MED20: variants seen among roughly 807,000 people sequenced by gnomAD.
The protein encoded by MED20 is mediator of RNA polymerase II transcription subunit 20.
MED20 carries 19 observed loss-of-function variants against 19.7 expected under a neutral mutation model. The observed-to-expected ratio is 0.96, with a 90% confidence interval of 0.67 to 1.42. The LOEUF (loss-of-function observed/expected upper bound fraction) is 1.42. Among genes scored for constraint, MED20 ranks in the 40% most tolerant of loss-of-function variants. MED20 has a pLI of 0.00. For missense variants in MED20, 225 were observed against 273.0 expected (o/e 0.82, Z 1.24); for synonymous variants, 105 against 104.8 (o/e 1.00, Z -0.01).
At position 41,907,015 on chromosome 6, in the gene MED20, C is replaced by T; in HGVS notation, c.*57G>A. On this transcript the variant is annotated 3_prime_UTR_variant, in exon 4 of 4. Transcript: ENST00000265350. ...GGGTCCAGGGACCTGAAAGTCAGCA[C>T]CTGCTCCTCCTGTGGAGTACCCCTG... 6.5e-7 allele frequency: 1 copy of T among 1,539,892 alleles called. No individual in the cohort carries two copies. Among genetic ancestry groups the T allele is most frequent in the East Asian group, 2.3e-5 (1 of 44,282 alleles).
At position 41,906,387 on chromosome 6, in the gene MED20, A is replaced by ATC. The variant is rs954578419; in HGVS notation, c.*683_*684dup. The ATC allele has an allele frequency of 3.6e-4, 55 of 152,370 alleles. No homozygotes were observed. Among genetic ancestry groups the ATC allele is most frequent in the African/African-American group, 1.3e-3 (55 of 41,540 alleles). The allele number at this position is 152,370 out of a possible 1,614,324, so 9.4% of individuals were successfully genotyped here. ...TGTAGAGTTAAATCTGCCCTAGACCATCTGATTACCTCTCTATTATTAGGT... is the reference window on the plus strand; with the variant it reads ...TGTAGAGTTAAATCTGCCCTAGACCATCTCTGATTACCTCTCTATTATTAGGT... On this transcript the variant is annotated 3_prime_UTR_variant, in exon 4 of 4. Coordinates refer to ENST00000265350, the MANE Select transcript of MED20 (RefSeq NM_004275.5).
At chr6:41,907,692 CAT>C (rs1775091370) in intron 3 of MED20, among the ~76,000 whole-genome samples, 1 of 152,082 alleles carries the variant, frequency 6.6e-6, no homozygotes, top group African/African-American at 2.4e-5. Flanking sequence ...AGAGTGGACA[CAT>C]ATGCTCATGA....
At chr6:41,907,763 A>G (rs1439259200) in intron 3 of MED20, among the ~76,000 whole-genome samples, 1 of 152,202 alleles carries the variant, frequency 6.6e-6, no homozygotes, top group Non-Finnish European at 1.5e-5. Context: ...TCTGACCCTA[A>G]GAAAGAATTT....
intron 2 of MED20, among the ~76,000 whole-genome samples, chr6:41,911,772 G>T (rs1460608990): frequency 6.6e-6 from 1 of 151,992 alleles, no homozygotes; most frequent in African/African-American, 2.4e-5. Flanking sequence ...GATCCTCCAG[G>T]CCACATCCCT....
intron 3 of MED20, among the ~76,000 whole-genome samples, chr6:41,908,270 A>G (rs1775106157): frequency 6.6e-6 from 1 of 152,140 alleles, no homozygotes; most frequent in East Asian, 1.9e-4. Context: ...TAAATAAATC[A>G]CAAATTTTCA....
At chr6:41,911,207 A>G (rs1407956032) in intron 2 of MED20, among the ~76,000 whole-genome samples, 1 of 150,436 alleles carries the variant, frequency 6.6e-6, no homozygotes, top group Non-Finnish European at 1.5e-5. Context: ...CTGTAGTGCA[A>G]TGGTGCAATC....
chr6:41,907,578 C>T (rs568106896), intron 3 of MED20, among the ~76,000 whole-genome samples: 1 of 152,184 alleles, frequency 6.6e-6, no homozygotes, highest in African/African-American at 2.4e-5. Context: ...CTGTGTTGTC[C>T]CTGCTATGCT....
At chr6:41,919,037 G>A (rs1408990256) in intron 1 of MED20, among the ~76,000 whole-genome samples, 1 of 149,746 alleles carries the variant, frequency 6.7e-6, no homozygotes, top group Non-Finnish European at 1.5e-5. Context: ...GCTGAGGCAG[G>A]AGAATGGCAT....
Position 41,906,976 on chromosome 6 carries a change from ACC to A in MED20, c.*94_*95del. ...GAGAAGGAGAGTAGAGTCCATGTCT[ACC>A]CTGGGTTTCTGGGGTCCAGGGACCT... On this transcript the variant is annotated 3_prime_UTR_variant, in exon 4 of 4. Transcript: ENST00000265350. The A allele has an allele frequency of 9.1e-7, 1 of 1,100,532 alleles. No homozygotes were observed. The highest frequency in any genetic ancestry group is 1.3e-6 in the Non-Finnish European group (1 of 745,640). The allele number at this position is 1,100,532 out of a possible 1,614,324, so 68.2% of individuals were successfully genotyped here. A position where few individuals can be genotyped will look rare whatever the true frequency, so the allele number is the denominator to read the frequency against.
intron 2 of MED20, among the ~76,000 whole-genome samples, chr6:41,913,331 G>A (rs1775242458): frequency 6.6e-6 from 1 of 152,122 alleles, no homozygotes; most frequent in Non-Finnish European, 1.5e-5. Flanking sequence ...CAAGTTTATT[G>A]CTCTTTCCTG....
chr6:41,921,009 T>C lies in MED20; in HGVS notation c.10A>G (p.Thr4Ala). 6.2e-7 allele frequency: 1 copy of C among 1,613,060 alleles called. No homozygotes were observed. Among genetic ancestry groups the C allele is most frequent in the East Asian group, 2.2e-5 (1 of 44,650 alleles). ...CAAAACCCCCTGCAGTCCTACCAAG[T>C]CACTCCCATGGCGTCGGGCCAGGAA... MGV[T>A]CVSQMPVAEG... Residue 4 changes from threonine (T) to alanine (A), a missense_variant, in exon 1 of 4, where the codon ACT becomes GCT. Transcript: ENST00000265350.
At chr6:41,920,914 G>A in intron 1 of MED20, 91 bp downstream of exon 1, 1 of 1,519,952 alleles carries the variant, frequency 6.6e-7, no homozygotes, top group East Asian at 2.5e-5. Flanking sequence ...ATCTCCCTCA[G>A]CTCCCAGAGG....
At chr6:41,915,261 G>GA (rs1307836948) in intron 2 of MED20, among the ~76,000 whole-genome samples, 3 of 152,200 alleles carry the variant, frequency 2.0e-5, no homozygotes, top group Admixed American at 6.5e-5. Flanking sequence ...GCTGAGGTGG[G>GA]AGGATGGCTT....
chr6:41,910,634 A>G (rs1167413342), intron 2 of MED20, among the ~76,000 whole-genome samples: 2 of 148,354 alleles, frequency 1.3e-5, no homozygotes, highest in African/African-American at 2.5e-5. Context: ...TCTATCTCCA[A>G]AAAAAAAAAA....
Position 41,921,052 on chromosome 6 carries a change from G to A in MED20, c.-34C>T, listed in dbSNP as rs937567426. 3.1e-6 allele frequency: 5 copies of A among 1,609,342 alleles called. No homozygotes were observed. The highest frequency in any genetic ancestry group is 4.2e-6 in the Non-Finnish European group (5 of 1,177,756). On this transcript the variant is annotated 5_prime_UTR_variant, in exon 1 of 4. Coordinates refer to ENST00000265350, the MANE Select transcript of MED20 (RefSeq NM_004275.5). The stretch of plus-strand genomic sequence containing the variant: ...GCCAGGAAGGTGGCAGAATCACACA[G>A]TAGAAACGCAGGGTTCCCTGTCCGC...
intron 2 of MED20, among the ~76,000 whole-genome samples, chr6:41,916,102 G>A (rs532567112): frequency 6.6e-6 from 1 of 151,850 alleles, no homozygotes; most frequent in East Asian, 1.9e-4. Context: ...TAAAATATTA[G>A]CCAGGCGTGG....
chr6:41,910,030 T>G (rs972068837), intron 2 of MED20, among the ~76,000 whole-genome samples: 2 of 151,762 alleles, frequency 1.3e-5, no homozygotes, highest in African/African-American at 4.8e-5. Context: ...CAAAGGGGAG[T>G]GTCTGAGCAT....
At chr6:41,918,589 A>T (rs1209050068) in intron 1 of MED20, among the ~76,000 whole-genome samples, 1 of 149,382 alleles carries the variant, frequency 6.7e-6, no homozygotes, top group South Asian at 2.1e-4. Context: ...CAAGGCGGGC[A>T]GATCACGAGG....
At chr6:41,919,556 G>A (rs1022109187) in intron 1 of MED20, among the ~76,000 whole-genome samples, 1 of 152,174 alleles carries the variant, frequency 6.6e-6, no homozygotes, top group African/African-American at 2.4e-5. Context: ...CGCTACAAGT[G>A]ACAGAAGTCC....
Sources: allele counts gnomAD v4.1 joint callset (sites outside exome capture counted in the v4.1 genomes callset), GRCh38; gene constraint gnomAD v4.1.1; transcripts MANE v1.5; gene names NCBI Gene and HGNC (gene_info 2026-07-23, HGNC 2026-07-21).